Variants in CACNB2 observed in about 807,000 individuals in gnomAD.
CACNB2 encodes calcium voltage-gated channel auxiliary subunit beta 2, also known as voltage-dependent L-type calcium channel subunit beta-2.
Under a neutral mutation model 73.3 loss-of-function variants are expected in CACNB2, and 42 were observed. The observed-to-expected ratio is 0.57, with a 90% confidence interval of 0.45 to 0.74. The LOEUF is 0.74. Ranked by LOEUF, CACNB2 falls within the 30% of genes least tolerant of loss-of-function variation. CACNB2 has a pLI of 0.00. For synonymous variants in CACNB2, 348 were observed against 310.3 expected, an observed-to-expected ratio of 1.12 and a Z score of -1.28; for missense variants, 940 against 853.0, an observed-to-expected ratio of 1.10 and a Z score of -1.27.
intron 2 of CACNB2, among the ~76,000 whole-genome samples, chr10:18,207,505 G>A (rs1405109002): frequency 2.6e-5 from 4 of 152,204 alleles, no homozygotes; most frequent in Non-Finnish European, 4.4e-5. Flanking sequence ...TCATGGATAA[G>A]GTGGGGTGGG....
chr10:18,272,584 C>T (rs1287231596), intron 2 of CACNB2, among the ~76,000 whole-genome samples: 2 of 152,070 alleles, frequency 1.3e-5, no homozygotes, highest in Non-Finnish European at 2.9e-5. Context: ...TGGGAAGGAC[C>T]CGGTGAGAGG....
intron 2 of CACNB2, among the ~76,000 whole-genome samples, chr10:18,353,370 G>C (rs916631784): frequency 6.6e-6 from 1 of 151,262 alleles, no homozygotes; most frequent in Admixed American, 6.6e-5. Context: ...AGATTGTGCT[G>C]CTGCACTCTA....
chr10:18,292,380 G>A (rs557739957), intron 2 of CACNB2, among the ~76,000 whole-genome samples: 1 of 152,320 alleles, frequency 6.6e-6, no homozygotes, highest in South Asian at 2.1e-4. Context: ...CAAGGTGGCT[G>A]GGTGCAGTGG....
chr10:18,238,955 A>G (rs150290578), intron 2 of CACNB2, among the ~76,000 whole-genome samples: 2 of 152,336 alleles, frequency 1.3e-5, no homozygotes, highest in East Asian at 3.9e-4. Context: ...TTTTAATTAC[A>G]GAGGCGATGT....
At chr10:18,172,147 G>A (rs1395558062) in intron 2 of CACNB2, among the ~76,000 whole-genome samples, 1 of 152,184 alleles carries the variant, frequency 6.6e-6, no homozygotes, top group Non-Finnish European at 1.5e-5. Context: ...AGAATCACTT[G>A]AGGTCAGGAG....
intron 3 of CACNB2, among the ~76,000 whole-genome samples, chr10:18,408,397 C>T (rs1386549447): frequency 1.3e-5 from 2 of 151,846 alleles, no homozygotes; most frequent in Admixed American, 6.6e-5. Context: ...CACCACTGCG[C>T]CCAGCTGATT....
At chr10:18,381,321 T>C (rs1255053852) in intron 2 of CACNB2, among the ~76,000 whole-genome samples, 1 of 151,894 alleles carries the variant, frequency 6.6e-6, no homozygotes, top group Non-Finnish European at 1.5e-5. Flanking sequence ...GGTATATAAA[T>C]TGGTAAAACC....
intron 3 of CACNB2, among the ~76,000 whole-genome samples, chr10:18,477,750 T>C (rs1029378719): frequency 1.3e-5 from 2 of 152,186 alleles, no homozygotes; most frequent in Non-Finnish European, 2.9e-5. Context: ...GAGTCACTTA[T>C]ATATTCCTCC....
intron 2 of CACNB2, chr10:18,257,224 T>A (rs1228900119): frequency 6.6e-6 from 1 of 152,220 alleles, no homozygotes; most frequent in East Asian, 1.9e-4. Context: ...CATTTCTACA[T>A]CTGCCCATTG....
At chr10:18,519,293 CT>C (rs2051601648) in intron 9 of CACNB2, among the ~76,000 whole-genome samples, 1 of 152,192 alleles carries the variant, frequency 6.6e-6, no homozygotes, top group African/African-American at 2.4e-5. Flanking sequence ...CTTCCATTCA[CT>C]TTTCCACTCT....
intron 3 of CACNB2, among the ~76,000 whole-genome samples, chr10:18,470,344 T>G (rs1041754945): frequency 2.7e-5 from 4 of 149,078 alleles, no homozygotes; most frequent in African/African-American, 9.8e-5. Flanking sequence ...ATAGTATATA[T>G]CATATAGACT....
intron 10 of CACNB2, among the ~76,000 whole-genome samples, chr10:18,529,756 C>T (rs1281412335): frequency 6.6e-6 from 1 of 152,166 alleles, no homozygotes; most frequent in Non-Finnish European, 1.5e-5. Flanking sequence ...TTAGTCTGTT[C>T]TCAGGAAAAA....
At chr10:18,288,627 A>G (rs2038905376) in intron 2 of CACNB2, among the ~76,000 whole-genome samples, 1 of 151,926 alleles carries the variant, frequency 6.6e-6, no homozygotes, top group African/African-American at 2.4e-5. Context: ...CTGAGGAGAA[A>G]AAACATAGTT....
intron 2 of CACNB2, among the ~76,000 whole-genome samples, chr10:18,399,393 C>A (rs148358069): frequency 4.6e-5 from 7 of 152,166 alleles, no homozygotes; most frequent in Admixed American, 3.3e-4. Context: ...AATAGGTGAT[C>A]TATTAATTTA....
chr10:18,222,133 G>T (rs906757891), intron 2 of CACNB2, among the ~76,000 whole-genome samples: 11 of 152,178 alleles, frequency 7.2e-5, no homozygotes, highest in African/African-American at 2.7e-4. Context: ...GACGTGTCCT[G>T]CCACATTCAC....
At chr10:18,209,963 A>G (rs1166514574) in intron 2 of CACNB2, among the ~76,000 whole-genome samples, 3 of 152,190 alleles carry the variant, frequency 2.0e-5, no homozygotes, top group African/African-American at 7.2e-5. Context: ...TGAAATGGAT[A>G]GGAGAAAGAA....
Position 18,307,983 on chromosome 10 carries a change from C to CATTTTTTTTTTTTTTTTTTT in CACNB2, c.214-93941_214-93940insATTTTTTTTTTTTTTTTTTT, listed in dbSNP as rs1356604464. Among the ~76,000 whole-genome samples, 8 of 70,246 alleles carry CATTTTTTTTTTTTTTTTTTT rather than the reference C, an allele frequency of 1.1e-4. 1 individual carries two copies. Among genetic ancestry groups the CATTTTTTTTTTTTTTTTTTT allele is most frequent in the African/African-American group, 3.0e-4 (5 of 16,764 alleles). 46.1% of individuals were successfully genotyped at this position (70,246 alleles called of 152,430 possible). A position where few individuals can be genotyped will look rare whatever the true frequency, so the allele number is the denominator to read the frequency against. ...TTAAGTCTAAAATAATATATGCCAA[C>CATTTTTTTTTTTTTTTTTTT]TTTTTTTTTTTTTTTTTTTTTTTTT... On this transcript the variant is annotated intron_variant, in intron 2 of 13. Coordinates refer to ENST00000324631, the MANE Select transcript of CACNB2 (RefSeq NM_201596.3).
At chr10:18,538,391 A>G (rs756490606) in intron 13 of CACNB2, 26 bp downstream of exon 13, 14 of 1,600,994 alleles carry the variant, frequency 8.7e-6, no homozygotes, top group Non-Finnish European at 1.2e-5. Context: ...ATATATATCT[A>G]TATATACAAT....
intron 2 of CACNB2, among the ~76,000 whole-genome samples, chr10:18,255,066 GT>G (rs553021375): frequency 7.9e-5 from 12 of 152,022 alleles, no homozygotes; most frequent in African/African-American, 2.9e-4. Flanking sequence ...CTCTCTAGCC[GT>G]CTTCCAATCT....
Sources: gnomAD v4.1 joint callset for allele counts (sites outside exome capture counted in the v4.1 genomes callset) on GRCh38, gnomAD v4.1.1 for gene constraint, MANE v1.5 for transcripts, NCBI Gene and HGNC (gene_info 2026-07-23, HGNC 2026-07-21) for gene names.